Variants in ADAMTSL1 observed in about 807,000 individuals in gnomAD.
The protein encoded by ADAMTSL1 is ADAMTS-like protein 1.
In ADAMTSL1, 126 loss-of-function variants were observed where a neutral mutation model predicts 201.8. The ratio of observed to expected loss-of-function variants is 0.62; its 90% CI spans 0.54 to 0.72. The LOEUF is 0.72. Ranked by LOEUF, ADAMTSL1 falls within the 30% of genes least tolerant of loss-of-function variation. ADAMTSL1 has a pLI of 0.00. For missense variants in ADAMTSL1, 2,679 were observed against 2,277.8 expected (o/e 1.18, Z -3.59); for synonymous variants, 1,121 against 903.4 (o/e 1.24, Z -4.32).
chr9:18,099,271 C>G (rs1386285475), intron 1 of ADAMTSL1, among the ~76,000 whole-genome samples: 2 of 141,354 alleles, frequency 1.4e-5, no homozygotes, highest in Non-Finnish European at 3.0e-5. Flanking sequence ...TGATTAGAAT[C>G]TCATTTTCTT....
chr9:18,068,118 A>G (rs1822791224), intron 1 of ADAMTSL1, among the ~76,000 whole-genome samples: 1 of 152,118 alleles, frequency 6.6e-6, no homozygotes, highest in African/African-American at 2.4e-5. Context: ...GTATTGGCCA[A>G]AAACGTACTT....
intron 2 of ADAMTSL1, among the ~76,000 whole-genome samples, chr9:18,204,107 C>A (rs903269583): frequency 1.3e-5 from 2 of 152,118 alleles, no homozygotes; most frequent in African/African-American, 4.8e-5. Flanking sequence ...CTACTGTGGG[C>A]TAGCTGCTCT....
At chr9:18,193,801 G>T (rs1829067756) in intron 2 of ADAMTSL1, among the ~76,000 whole-genome samples, 1 of 151,808 alleles carries the variant, frequency 6.6e-6, no homozygotes, top group African/African-American at 2.4e-5. Flanking sequence ...GTTTTTTGGG[G>T]CAAAGACTGA....
chr9:18,692,119 G>A lies in ADAMTSL1; in HGVS notation c.1574+7319G>A, dbSNP rs1198882017. Among the ~76,000 whole-genome samples, 3 of 152,212 alleles carry A rather than the reference G, an allele frequency of 2.0e-5. No homozygotes were observed. The South Asian group carries it at 6.2e-4, about 32-fold the overall frequency. On this transcript the variant is annotated intron_variant, in intron 13 of 28. Coordinates refer to ENST00000380548, the MANE Select transcript of ADAMTSL1 (RefSeq NM_001040272.6). Reference sequence around the variant, plus strand: ...CCTTTCTTCGTCTACACTTCTGAGGGTCTTTGAAGACTCACTTATAAGCAC... The same window carrying A: ...CCTTTCTTCGTCTACACTTCTGAGGATCTTTGAAGACTCACTTATAAGCAC...
intron 2 of ADAMTSL1, among the ~76,000 whole-genome samples, chr9:18,277,786 A>C (rs1832641530): frequency 6.6e-6 from 1 of 152,210 alleles, no homozygotes; most frequent in Non-Finnish European, 1.5e-5. Context: ...AATTGCTGAT[A>C]GGTAAAGACT....
intron 4 of ADAMTSL1, among the ~76,000 whole-genome samples, chr9:18,596,156 TTCAA>T (rs1824249483): frequency 6.6e-6 from 1 of 152,184 alleles, no homozygotes; most frequent in Non-Finnish European, 1.5e-5. Context: ...CCTAAGTGGG[TTCAA>T]TCAATTTTTA....
At chr9:18,566,414 G>A (rs945163453) in intron 3 of ADAMTSL1, among the ~76,000 whole-genome samples, 9 of 152,182 alleles carry the variant, frequency 5.9e-5, no homozygotes, top group African/African-American at 9.6e-5. Flanking sequence ...CACAGTAAAT[G>A]AGTAAATTAT....
At chr9:18,586,644 C>T (rs1165474658) in intron 4 of ADAMTSL1, among the ~76,000 whole-genome samples, 2 of 152,000 alleles carry the variant, frequency 1.3e-5, no homozygotes, top group Non-Finnish European at 2.9e-5. Context: ...TCAAGGCAAT[C>T]CTAGACAAAA....
Position 18,145,938 on chromosome 9 carries a change from T to C in ADAMTSL1, c.88-17924T>C, listed in dbSNP as rs184816811. Among the ~76,000 whole-genome samples the C allele has an allele frequency of 6.4e-4, 97 of 152,194 alleles. 1 individual carries two copies. The highest frequency in any genetic ancestry group is 2.9e-5 in the Non-Finnish European group (2 of 67,994). On this transcript the variant is annotated intron_variant, in intron 1 of 29. Transcript: ENST00000680146. ...AACAGGCAAAAACTTGAATAGACAC[T>C]GCATCAAAGAGAATACACAGATGGA...
At chr9:18,853,750 TCTATCA>T (rs1185650680) in intron 23 of ADAMTSL1, among the ~76,000 whole-genome samples, 1 of 152,210 alleles carries the variant, frequency 6.6e-6, no homozygotes, top group African/African-American at 2.4e-5. Flanking sequence ...AGATCAGATC[TCTATCA>T]CTGTCTTAAT....
chr9:17,957,676 G>A (rs1563918858), intron 1 of ADAMTSL1, among the ~76,000 whole-genome samples: 1 of 152,168 alleles, frequency 6.6e-6, no homozygotes, highest in South Asian at 2.1e-4. Context: ...TGGAAAAGGG[G>A]CTTTGCAAAT....
At chr9:18,795,342 C>A (rs551624065) in intron 19 of ADAMTSL1, 55 bp from the exon 20 acceptor site, 866 of 1,605,452 alleles carry the variant, frequency 5.4e-4, no homozygotes, top group Non-Finnish European at 6.7e-4. Flanking sequence ...ATATTGAATG[C>A]CAAAAAGGAG....
intron 1 of ADAMTSL1, among the ~76,000 whole-genome samples, chr9:18,058,189 C>T (rs1328747380): frequency 6.6e-6 from 1 of 152,166 alleles, no homozygotes; most frequent in African/African-American, 2.4e-5. Context: ...TAATCTAGAA[C>T]ATTCTTTTGG....
At chr9:17,909,911 G>A (rs1247122946) in intron 1 of ADAMTSL1, among the ~76,000 whole-genome samples, 1 of 66,484 alleles carries the variant, frequency 1.5e-5, no homozygotes, top group Admixed American at 1.8e-4. Flanking sequence ...CAGCGCACCA[G>A]CATGGCACAT....
intron 2 of ADAMTSL1, among the ~76,000 whole-genome samples, chr9:18,257,351 T>G (rs1191982233): frequency 6.6e-6 from 1 of 152,182 alleles, no homozygotes; most frequent in Non-Finnish European, 1.5e-5. Flanking sequence ...AATTAAAAAT[T>G]TGCAATGGAC....
chr9:18,679,396 T>C (rs1830313928), intron 10 of ADAMTSL1, among the ~76,000 whole-genome samples: 1 of 152,150 alleles, frequency 6.6e-6, no homozygotes, highest in Non-Finnish European at 1.5e-5. Flanking sequence ...TTTTAGAAAT[T>C]CTACATTCTG....
At chr9:18,567,796 C>T (rs1013156768) in intron 3 of ADAMTSL1, among the ~76,000 whole-genome samples, 1 of 152,122 alleles carries the variant, frequency 6.6e-6, no homozygotes, top group African/African-American at 2.4e-5. Context: ...GATAATTTCT[C>T]ATACATATAT....
intron 16 of ADAMTSL1, among the ~76,000 whole-genome samples, chr9:18,765,632 A>G (rs1820314193): frequency 6.6e-6 from 1 of 152,196 alleles, no homozygotes; most frequent in South Asian, 2.1e-4. Context: ...AAAAGGAGAG[A>G]GCATGTGTAA....
intron 1 of ADAMTSL1, among the ~76,000 whole-genome samples, chr9:18,108,642 C>T (rs1824867883): frequency 6.6e-6 from 1 of 152,022 alleles, no homozygotes; most frequent in African/African-American, 2.4e-5. Flanking sequence ...ATACTGCATC[C>T]TCAATATCAA....
Sources: allele counts gnomAD v4.1 joint callset (sites outside exome capture counted in the v4.1 genomes callset), GRCh38; gene constraint gnomAD v4.1.1; transcripts MANE v1.5; gene names NCBI Gene and HGNC (gene_info 2026-07-23, HGNC 2026-07-21).